COL4A2: variants seen among roughly 807,000 people sequenced by gnomAD.
COL4A2 encodes the protein collagen type IV alpha 2 chain, also known as collagen alpha-2(IV) chain.
A neutral mutation model predicts 200.2 loss-of-function variants in COL4A2; 99 were observed. The ratio of observed to expected loss-of-function variants is 0.49; its 90% confidence interval spans 0.42 to 0.58. The LOEUF (loss-of-function observed/expected upper bound fraction) is 0.58. COL4A2 is among the 20% of genes least tolerant of loss of function. COL4A2 has a pLI of 0.00. For missense variants in COL4A2, 1,950 were observed against 2,314.1 expected (o/e 0.84, Z 3.23); for synonymous variants, 897 against 900.6 (o/e 1.00, Z 0.07).
chr13:110,482,290 G>A (rs988769833), intron 31 of COL4A2, among the ~76,000 whole-genome samples: 5 of 152,192 alleles, frequency 3.3e-5, no homozygotes, highest in Non-Finnish European at 7.3e-5. Context: ...TTTCCTTGTT[G>A]CCAATGTCCG....
rs3803230 is a variant in COL4A2, at chr13:110,467,049, G to C, written c.2048G>C (p.Gly683Ala). ...TCCTTTCTGTCCCCAGGTTGCATAG[G>C]AGGGCCCAAGGGATTGCCAGGCCTG... ...RQEAIQPGCI[G>A]GPKGLPGLPG... Residue 683 changes from glycine (G) to alanine (A), a missense_variant, in exon 27 of 48, where the codon GGA (glycine) becomes GCA (alanine). By Grantham distance (60) the Gly-to-Ala change is moderately conservative. Around this residue, in one of 2 missense-constraint regions of COL4A2, gnomAD observed 1,385 missense variants for 1,720.5 expected, o/e 0.80. Coordinates refer to ENST00000360467, the MANE Select transcript of COL4A2 (RefSeq NM_001846.4). 166,273 of 1,613,708 alleles carry C rather than the reference G, an allele frequency of 0.1. 8,862 individuals carry two copies. Among genetic ancestry groups the C allele is most frequent in the Middle Eastern group, 0.16 (977 of 6,058 alleles).
chr13:110,380,419 T>C (rs967875916), intron 4 of COL4A2, among the ~76,000 whole-genome samples: 1 of 152,246 alleles, frequency 6.6e-6, no homozygotes, highest in African/African-American at 2.4e-5. Flanking sequence ...CACTTGTTTA[T>C]ACAGCTTTAA....
chr13:110,459,183 G>A, intron 22 of COL4A2: 1 of 385,646 alleles, frequency 2.6e-6, no homozygotes, highest in Non-Finnish European at 4.6e-6. Context: ...TTCAATAGGG[G>A]GTCACCACGT....
At chr13:110,391,398 G>T (rs917045920) in intron 4 of COL4A2, among the ~76,000 whole-genome samples, 7 of 152,188 alleles carry the variant, frequency 4.6e-5, no homozygotes, top group African/African-American at 1.7e-4. Flanking sequence ...TGAGGAGTCC[G>T]GCAGCCGGGG....
intron 7 of COL4A2, 40 bp from the exon 8 acceptor site, chr13:110,429,843 CTT>C (rs780520736): frequency 1.8e-5 from 28 of 1,593,666 alleles, no homozygotes; most frequent in Middle Eastern, 1.7e-4. Context: ...TTAATGGACT[CTT>C]TTTGTTGTTT....
intron 3 of COL4A2, among the ~76,000 whole-genome samples, chr13:110,321,424 G>A (rs140561073): frequency 4.1e-4 from 62 of 152,138 alleles, no homozygotes; most frequent in African/African-American, 1.3e-3. Flanking sequence ...ACCATTGTCC[G>A]TCTCCAGAAC....
At chr13:110,320,034 T>G (rs898316130) in intron 3 of COL4A2, among the ~76,000 whole-genome samples, 1 of 152,216 alleles carries the variant, frequency 6.6e-6, no homozygotes, top group Non-Finnish European at 1.5e-5. Context: ...GCGCCAGAGG[T>G]TGGAAAAGTC....
chr13:110,491,278 G>C lies in COL4A2; in HGVS notation c.3392G>C (p.Gly1131Ala), dbSNP rs752141920. ...GAGAAGGGAACAGAAGGTGACATCG[G>C]CTTCCCTGGGATAACAGGCGTGACT... ...FGEKGTEGDI[G>A]FPGITGVTGV... Residue 1131 changes from glycine to alanine, a missense_variant, in exon 37 of 48, where the codon GGC becomes GCC. Coordinates refer to ENST00000360467, the MANE Select transcript of COL4A2 (RefSeq NM_001846.4). 6.2e-7 allele frequency: 1 copy of C among 1,601,454 alleles called. No individual in the cohort carries two copies. The highest frequency in any genetic ancestry group is 8.5e-7 in the Non-Finnish European group (1 of 1,173,322).
intron 3 of COL4A2, among the ~76,000 whole-genome samples, chr13:110,317,213 C>T (rs944448666): frequency 4.9e-5 from 7 of 142,740 alleles, no homozygotes; most frequent in Non-Finnish European, 9.0e-5. Context: ...CACACGTGCA[C>T]CCCACACACA....
At chr13:110,455,188 C>T (rs944094837) in intron 20 of COL4A2, among the ~76,000 whole-genome samples, 11 of 152,172 alleles carry the variant, frequency 7.2e-5, no homozygotes, top group African/African-American at 2.7e-4. Context: ...AGCCTCCCTC[C>T]TTGATGCCCT....
chr13:110,487,900 G>A (rs1883164013), intron 34 of COL4A2, among the ~76,000 whole-genome samples: 1 of 152,128 alleles, frequency 6.6e-6, no homozygotes, highest in African/African-American at 2.4e-5. Flanking sequence ...TAAGATGAGT[G>A]GACATTACTG....
chr13:110,438,408 A>G (rs1386933387), intron 14 of COL4A2: 4 of 702,686 alleles, frequency 5.7e-6, no homozygotes, highest in African/African-American at 3.5e-5. Context: ...GACATGACAC[A>G]TGCAGTCCTG....
At position 110,485,946 on chromosome 13, in the gene COL4A2, T is replaced by C; in HGVS notation, c.3207+110T>C. 3 of 1,502,658 alleles carry C rather than the reference T, an allele frequency of 2.0e-6. No homozygotes were observed. The South Asian group carries it at 3.8e-5, about 19-fold the overall frequency. 93.1% of individuals were successfully genotyped at this position (1,502,658 alleles called of 1,614,324 possible). On this transcript the variant is annotated intron_variant, in intron 34 of 47. Coordinates refer to ENST00000360467, the MANE Select transcript of COL4A2 (RefSeq NM_001846.4). ...CTAGGGTGAGAGTGTCAGTGGCAGGTTCAGGGCAGCCTCAGGCTTGGTGGG... is the reference window on the plus strand; with the variant it reads ...CTAGGGTGAGAGTGTCAGTGGCAGGCTCAGGGCAGCCTCAGGCTTGGTGGG...
intron 29 of COL4A2, among the ~76,000 whole-genome samples, chr13:110,476,386 T>C (rs1229518074): frequency 1.3e-5 from 2 of 152,358 alleles, no homozygotes; most frequent in South Asian, 2.1e-4. Context: ...TGAGAACCGA[T>C]GCATCCGTGC....
intron 16 of COL4A2, among the ~76,000 whole-genome samples, chr13:110,440,073 C>T (rs575375651): frequency 6.6e-6 from 1 of 152,294 alleles, no homozygotes; most frequent in East Asian, 1.9e-4. Flanking sequence ...GTCCGTCACT[C>T]GACCCCACCA....
At chr13:110,479,555 A>G (rs1050456516) in intron 30 of COL4A2, among the ~76,000 whole-genome samples, 1 of 72,210 alleles carries the variant, frequency 1.4e-5, no homozygotes. Flanking sequence ...AGATAAGAAG[A>G]TTGAGCCAAA....
chr13:110,503,945 C>T lies in COL4A2; in HGVS notation c.4237C>T (p.Pro1413Ser). The T allele has an allele frequency of 1.3e-6, 2 of 1,579,274 alleles. No homozygotes were observed. The highest frequency in any genetic ancestry group is 1.7e-6 in the Non-Finnish European group (2 of 1,159,822). Residue 1413 changes from proline (P) to serine (S), a missense_variant, in exon 44 of 48, where the codon CCT (proline) becomes TCT (serine). Pro to Ser is a moderately conservative substitution (Grantham distance 74). Around this residue, in one of 2 missense-constraint regions of COL4A2, gnomAD observed 1,385 missense variants for 1,720.5 expected, o/e 0.80. Transcript: ENST00000360467. ...TVGPQGRRGP[P>S]GAPGEMGPQG... ...GGGTCCCCAGGGGAGGCGAGGCCCCCCTGGGGCACCGGGGGAGATGGGGCC... is the reference window on the plus strand; with the variant it reads ...GGGTCCCCAGGGGAGGCGAGGCCCCTCTGGGGCACCGGGGGAGATGGGGCC...
At chr13:110,375,987 C>T (rs56118178) in intron 4 of COL4A2, among the ~76,000 whole-genome samples, 139 of 152,246 alleles carry the variant, frequency 9.1e-4, no homozygotes, top group Non-Finnish European at 1.8e-3. Context: ...GCTTTGTCAG[C>T]CTCTGTTCTG....
chr13:110,425,062 C>A, intron 6 of COL4A2, 65 bp downstream of exon 6: 1 of 1,592,170 alleles, frequency 6.3e-7, no homozygotes, highest in Non-Finnish European at 8.6e-7. Flanking sequence ...CATTTTGTGA[C>A]TTAAAGAAAC....
Sources: gnomAD v4.1 joint callset for allele counts (sites outside exome capture counted in the v4.1 genomes callset) on GRCh38, gnomAD v4.1.1 for gene constraint, gnomAD v4.1.1 regional missense constraint, MANE v1.5 for transcripts, NCBI Gene and HGNC (gene_info 2026-07-23, HGNC 2026-07-21) for gene names.